Variants in LSS observed in about 807,000 individuals in gnomAD.
LSS encodes the protein 2,3-epoxysqualene-lanosterol cyclase.
LSS carries 90 observed loss-of-function variants against 110.3 expected under a neutral mutation model. That is an observed-to-expected ratio of 0.82 (90% CI 0.69 to 0.97). The LOEUF (loss-of-function observed/expected upper bound fraction) is 0.97, where lower values mean the gene tolerates loss of function less well. Ranked by LOEUF, LSS falls within the 50% of genes least tolerant of loss-of-function variation. The pLI is 0.00. For missense variants in LSS, 927 were observed against 990.0 expected (o/e 0.94, Z 0.85); for synonymous variants, 433 against 400.0 (o/e 1.08, Z -0.98).
intron 3 of LSS, among the ~76,000 whole-genome samples, chr21:46,226,285 C>G (rs2080339060): frequency 6.6e-6 from 1 of 152,212 alleles, no homozygotes; most frequent in Admixed American, 6.5e-5. Flanking sequence ...ACACTGTGCA[C>G]ATGACCAAAC....
In LSS at chr21:46,209,461, A is replaced by T. The variant is rs1330856600; in HGVS notation, c.1266+93T>A. 1.8e-6 allele frequency: 2 copies of T among 1,136,722 alleles called. No individual in the cohort carries two copies. Among genetic ancestry groups the T allele is most frequent in the African/African-American group, 3.1e-5 (2 of 64,554 alleles). 70.4% of individuals were successfully genotyped at this position (1,136,722 alleles called of 1,614,324 possible). A position where few individuals can be genotyped will look rare whatever the true frequency, so the allele number is the denominator to read the frequency against. Reference sequence around the variant, plus strand: ...GAAACACCAGTGCAGGAAATAGGGCAGGGTGGAGGTGAGGTGGGCACTTCT... The same window carrying T: ...GAAACACCAGTGCAGGAAATAGGGCTGGGTGGAGGTGAGGTGGGCACTTCT... On this transcript the variant is annotated intron_variant, in intron 13 of 21. Coordinates refer to ENST00000397728, the MANE Select transcript of LSS (RefSeq NM_002340.6). The surrounding 1 kb of genome is among the most constrained non-coding windows in gnomAD (Gnocchi z 4.4).
intron 17 of LSS, among the ~76,000 whole-genome samples, chr21:46,198,433 GATGA>G (rs2079937868): frequency 6.6e-6 from 1 of 152,092 alleles, no homozygotes; most frequent in Non-Finnish European, 1.5e-5. Context: ...ACAAAATTCT[GATGA>G]AAGAAATAAA....
Position 46,228,470 on chromosome 21 carries a change from C to T in LSS, c.144G>A (p.Gln48=), listed in dbSNP as rs763024701. ...CCAGGGCGTAGGCTTCCAGGCCGGT[C>T]TGCTCGCGGCCGGCGCGCTCGTCCT... is the stretch of plus-strand genomic sequence containing the variant. The part of the protein sequence containing the change: ...YLQDERAGRE[Q]TGLEAYALGL... Residue 48 remains glutamine, a synonymous_variant, in exon 2 of 22, where the codon CAG becomes CAA. Coordinates refer to ENST00000397728, the MANE Select transcript of LSS (RefSeq NM_002340.6). 1.2e-5 allele frequency: 20 copies of T among 1,603,554 alleles called. No homozygotes were observed. In the South Asian group the frequency reaches 2.2e-4, roughly 18 times the overall value.
chr21:46,213,659 G>T, intron 10 of LSS, 79 bp downstream of exon 10: 1 of 1,295,504 alleles, frequency 7.7e-7, no homozygotes, highest in Non-Finnish European at 1.1e-6. Flanking sequence ...CACCGTGGGG[G>T]CCCCCTCACT....
intron 17 of LSS, 172 bp from the exon 18 acceptor site, chr21:46,196,439 C>T: frequency 1.6e-6 from 1 of 608,718 alleles, no homozygotes; most frequent in Non-Finnish European, 2.9e-6. Context: ...AACCACAGGA[C>T]ACCAGAGCGG....
Position 46,195,660 on chromosome 21 carries a change from A to G in LSS, c.1817+16T>C. On this transcript the variant is annotated intron_variant, in intron 19 of 21. Coordinates refer to ENST00000397728, the MANE Select transcript of LSS (RefSeq NM_002340.6). ...GTTGAGAACCCCCACCCACCAGAGG[A>G]CAGGCACTCACTCACCCATCTCGGT... is the stretch of plus-strand genomic sequence containing the variant. 3 of 1,611,910 alleles carry G rather than the reference A, an allele frequency of 1.9e-6. No individual in the cohort carries two copies. Among genetic ancestry groups the G allele is most frequent in the Non-Finnish European group, 1.7e-6 (2 of 1,178,206 alleles).
rs748211029 is a variant in LSS at position 46,228,554 on chromosome 21, G to C, written c.60C>G (p.Thr20=). ...AGTTGAGTCGCCAGCGGCCGAGGTC[G>C]GTGGCGGGCTCGGTCTTGTAGGGGC... ...RGGPYKTEPA[T]DLGRWRLNCE... Residue 20 remains threonine, a synonymous_variant, in exon 2 of 22, where the codon ACC becomes ACG. Coordinates refer to ENST00000397728, the MANE Select transcript of LSS (RefSeq NM_002340.6). 7 of 1,596,520 alleles carry C rather than the reference G, an allele frequency of 4.4e-6. No individual in the cohort carries two copies. Among genetic ancestry groups the C allele is most frequent in the African/African-American group, 2.7e-5 (2 of 74,876 alleles).
At chr21:46,223,847 C>T (rs1420545743) in intron 3 of LSS, among the ~76,000 whole-genome samples, 1 of 152,190 alleles carries the variant, frequency 6.6e-6, no homozygotes, top group Non-Finnish European at 1.5e-5. Flanking sequence ...TGGGAAGACG[C>T]CCGTTGCCGA....
At chr21:46,211,569 T>C (rs1489493448) in intron 11 of LSS, among the ~76,000 whole-genome samples, 1 of 152,132 alleles carries the variant, frequency 6.6e-6, no homozygotes, top group Non-Finnish European at 1.5e-5. Context: ...GACCAAACCC[T>C]AGTGAGACAG....
At chr21:46,212,918 G>A in intron 11 of LSS, 107 bp downstream of exon 11, 2 of 1,381,870 alleles carry the variant, frequency 1.4e-6, no homozygotes, top group Non-Finnish European at 1.0e-6. Flanking sequence ...GTCGCACGCT[G>A]CCGGGACCTG....
In LSS at chr21:46,195,672, T is replaced by TCACC; in HGVS notation, c.1817_1817+3dup. On this transcript the variant is annotated splice_donor_region_variant and intron_variant, in intron 19 of 21. Coordinates refer to ENST00000397728, the MANE Select transcript of LSS (RefSeq NM_002340.6). ...CACCCACCAGAGGACAGGCACTCAC[T>TCACC]CACCCATCTCGGTAGGTCTGCCCCA... The TCACC allele has an allele frequency of 6.2e-7, 1 of 1,613,308 alleles. No homozygotes were observed. Among genetic ancestry groups the TCACC allele is most frequent in the East Asian group, 2.2e-5 (1 of 44,800 alleles).
At chr21:46,219,372 C>A in intron 6 of LSS, 104 bp downstream of exon 6, 1 of 718,636 alleles carries the variant, frequency 1.4e-6, no homozygotes, top group Non-Finnish European at 2.2e-6. Flanking sequence ...ACAGAATGCC[C>A]ACCCCTCTCT....
In LSS at chr21:46,189,106, G is replaced by A. The variant is rs745332322; in HGVS notation, c.*1998C>T. 4.0e-6 allele frequency: 1 copy of A among 247,040 alleles called. No individual in the cohort carries two copies. The allele number at this position is 247,040 out of a possible 1,614,324, so 15.3% of individuals were successfully genotyped here. A position where few individuals can be genotyped will look rare whatever the true frequency, so the allele number is the denominator to read the frequency against. ...TCTGCAGTTCTCCCCAGGATGAAAC[G>A]AAACACAGTGTGACAGGCTTCTGAT... On this transcript the variant is annotated 3_prime_UTR_variant, in exon 22 of 22. Transcript: ENST00000397728.
intron 3 of LSS, among the ~76,000 whole-genome samples, chr21:46,225,664 G>A (rs1248855693): frequency 6.6e-6 from 1 of 152,162 alleles, no homozygotes; most frequent in African/African-American, 2.4e-5. Context: ...ATTAGTGAAA[G>A]TACTAAAAGT....
At chr21:46,225,717 C>T (rs2080330796) in intron 3 of LSS, among the ~76,000 whole-genome samples, 1 of 152,226 alleles carries the variant, frequency 6.6e-6, no homozygotes, top group Non-Finnish European at 1.5e-5. Flanking sequence ...CTCTCTCTCT[C>T]TCTCTCCCAC....
At position 46,190,243 on chromosome 21, in the gene LSS, G is replaced by A. The variant is rs746340546; in HGVS notation, c.*861C>T. Reference sequence around the variant, plus strand: ...CCTGGTTATGCTCGGCCTCCCCTGTGCATTTCTGTGTCCGTAAGTGTCCCC... The same window carrying A: ...CCTGGTTATGCTCGGCCTCCCCTGTACATTTCTGTGTCCGTAAGTGTCCCC... On this transcript the variant is annotated 3_prime_UTR_variant, in exon 22 of 22. Transcript: ENST00000397728. The surrounding 1 kb of genome is among the most constrained non-coding windows in gnomAD (Gnocchi z 4.6). 8 of 176,258 alleles carry A rather than the reference G, an allele frequency of 4.5e-5. No homozygotes were observed. Among genetic ancestry groups the A allele is most frequent in the Admixed American group, 1.6e-4 (3 of 18,474 alleles). The allele number at this position is 176,258 out of a possible 1,614,324, so 10.9% of individuals were successfully genotyped here. A position where few individuals can be genotyped will look rare whatever the true frequency, so the allele number is the denominator to read the frequency against.
rs577875768 is a variant in LSS at position 46,194,183 on chromosome 21, G to A, written c.1988+308C>T. Among the ~76,000 whole-genome samples, 13 of 152,300 alleles carry A rather than the reference G, an allele frequency of 8.5e-5. No individual in the cohort carries two copies. In the East Asian group the frequency reaches 1.9e-3, roughly 23 times the overall value. On this transcript the variant is annotated intron_variant, in intron 20 of 21. Coordinates refer to ENST00000397728, the MANE Select transcript of LSS (RefSeq NM_002340.6). ...CACACCAGGAAGCAGCATCCTCATCGCAGCCCACCTCGCTGTTTCCATGGG... is the reference window on the plus strand; with the variant it reads ...CACACCAGGAAGCAGCATCCTCATCACAGCCCACCTCGCTGTTTCCATGGG...
At chr21:46,197,123 A>C (rs960731498) in intron 17 of LSS, among the ~76,000 whole-genome samples, 1 of 152,262 alleles carries the variant, frequency 6.6e-6, no homozygotes, top group East Asian at 1.9e-4. Context: ...GTTCTAAGCC[A>C]CTAGGTTTGT....
chr21:46,214,002 T>C (rs1451193740), intron 9 of LSS, among the ~76,000 whole-genome samples, 167 bp from the exon 10 acceptor site: 1 of 152,236 alleles, frequency 6.6e-6, no homozygotes, highest in African/African-American at 2.4e-5. Flanking sequence ...TGAGCGAGGA[T>C]GGGCAACAAC....
Sources: allele counts gnomAD v4.1 joint callset (sites outside exome capture counted in the v4.1 genomes callset), GRCh38; gene constraint gnomAD v4.1.1; non-coding constraint Gnocchi (gnomAD v3.1); transcripts MANE v1.5; gene names NCBI Gene and HGNC (gene_info 2026-07-23, HGNC 2026-07-21).